Variants in THBS4 observed in about 807,000 individuals in gnomAD.
The protein encoded by THBS4 is thrombospondin 4, also known as thrombospondin-4.
A neutral mutation model predicts 115.7 loss-of-function variants in THBS4; 90 were observed. That is an observed-to-expected ratio of 0.78 (90% CI 0.66 to 0.93). THBS4 has a LOEUF of 0.93. Among genes scored for constraint, THBS4 ranks in the 40% least tolerant of loss-of-function variants. THBS4 has a pLI of 0.00. For synonymous variants in THBS4, 460 were observed against 479.3 expected (o/e 0.96, Z 0.53); for missense variants, 1,087 against 1,232.7 (o/e 0.88, Z 1.77).
intron 2 of THBS4, among the ~76,000 whole-genome samples, chr5:80,011,006 TC>T (rs1409556339): frequency 2.0e-5 from 3 of 152,182 alleles, no homozygotes; most frequent in Admixed American, 2.0e-4. Context: ...CACCCCAATC[TC>T]ATCTTGAATT....
chr5:80,066,326 C>T (rs1833824352), intron 9 of THBS4: 1 of 152,120 alleles, frequency 6.6e-6, no homozygotes. Flanking sequence ...TCCTTGTTTC[C>T]TTGTAAGTAA....
At chr5:80,058,394 A>G in intron 4 of THBS4, 80 bp downstream of exon 4, 1 of 1,043,460 alleles carries the variant, frequency 9.6e-7, no homozygotes, top group Non-Finnish European at 1.4e-6. Context: ...CCATCACCGA[A>G]AAGTGGGACT....
chr5:80,010,985 G>A (rs544681770), intron 2 of THBS4, among the ~76,000 whole-genome samples: 1 of 152,310 alleles, frequency 6.6e-6, no homozygotes, highest in South Asian at 2.1e-4. Context: ...GATATGGTTT[G>A]GCTGTGTCCC....
In THBS4 at chr5:80,039,994, T is replaced by C. The variant is rs1032639830; in HGVS notation, c.89-83T>C. On this transcript the variant is annotated intron_variant, in intron 1 of 21. Coordinates refer to ENST00000350881, the MANE Select transcript of THBS4 (RefSeq NM_003248.6). Reference sequence around the variant, plus strand: ...CATTACTTTGTAGCTTACTGTCAAATTGCACCCCCCCCAAACAAAGAAACC... The same window carrying C: ...CATTACTTTGTAGCTTACTGTCAAACTGCACCCCCCCCAAACAAAGAAACC... 312 of 1,245,770 alleles carry C rather than the reference T, an allele frequency of 2.5e-4. 2 individuals carry two copies. The highest frequency in any genetic ancestry group is 1.9e-4 in the Middle Eastern group (1 of 5,252). 77.2% of individuals were successfully genotyped at this position (1,245,770 alleles called of 1,614,324 possible).
intron 1 of THBS4, among the ~76,000 whole-genome samples, chr5:79,997,030 G>GTTTTTTT (rs201267378): frequency 2.9e-5 from 4 of 138,774 alleles, no homozygotes; most frequent in Non-Finnish European, 3.1e-5. Flanking sequence ...AATCAAAATA[G>GTTTTTTT]TTTTTTTTTT....
chr5:80,056,354 G>A lies in THBS4; in HGVS notation c.540+322G>A, dbSNP rs79006209. 3.9e-3 allele frequency among the ~76,000 whole-genome samples: 594 copies of A among 152,290 alleles called. 8 individuals carry two copies. The highest frequency in any genetic ancestry group is 0.013 in the Admixed American group (205 of 15,304). ...TAGAGACTCTGGATACAATTGTAAC[G>A]TTGGAAAGGAAGGGCAAAAGTAAAA... On this transcript the variant is annotated intron_variant, in intron 3 of 21. Coordinates refer to ENST00000350881, the MANE Select transcript of THBS4 (RefSeq NM_003248.6).
At chr5:80,047,179 A>G (rs1833093853) in intron 2 of THBS4, among the ~76,000 whole-genome samples, 1 of 152,218 alleles carries the variant, frequency 6.6e-6, no homozygotes, top group Non-Finnish European at 1.5e-5. Context: ...GTTTATAAAA[A>G]GCTCCTTACA....
chr5:80,072,357 T>A lies in THBS4; in HGVS notation c.1800T>A (p.Asp600Glu), dbSNP rs760192701. The A allele has an allele frequency of 1.9e-6, 3 of 1,614,216 alleles. No individual in the cohort carries two copies. The highest frequency in any genetic ancestry group is 2.5e-6 in the Non-Finnish European group (3 of 1,180,028). ...ACAAGGATGGTGATGGTGTGGGGGATGCCTGTGACAGTTGTCCTGATGTCA... is the reference window on the plus strand; with the variant it reads ...ACAAGGATGGTGATGGTGTGGGGGAAGCCTGTGACAGTTGTCCTGATGTCA... Reference protein sequence around the residue: ...QRDKDGDGVGDACDSCPDVSN... With the variant: ...QRDKDGDGVGEACDSCPDVSN... The change falls in exon 14 of 22, where the codon GAT (aspartate) becomes GAA (glutamate). Residue 600 changes from aspartate to glutamate, a missense_variant. By Grantham distance (45) the Asp-to-Glu change is conservative. Around this residue, in one of 3 missense-constraint regions of THBS4, gnomAD observed 979 missense variants for 1,103.7 expected, o/e 0.89. Coordinates refer to ENST00000350881, the MANE Select transcript of THBS4 (RefSeq NM_003248.6).
chr5:80,076,249 T>C (rs912766578), intron 15 of THBS4: 1 of 152,272 alleles, frequency 6.6e-6, no homozygotes, highest in Non-Finnish European at 1.5e-5. Flanking sequence ...GAATCCTCAT[T>C]GGATCCACTA....
chr5:80,077,938 T>C, intron 16 of THBS4, 111 bp from the exon 17 acceptor site: 2 of 924,254 alleles, frequency 2.2e-6, no homozygotes, highest in African/African-American at 1.7e-5. Flanking sequence ...ATCATGGCCC[T>C]GGTTGTGGGA....
intron 2 of THBS4, among the ~76,000 whole-genome samples, chr5:80,009,726 T>A (rs1832084324): frequency 6.6e-6 from 1 of 152,220 alleles, no homozygotes; most frequent in South Asian, 2.1e-4. Context: ...CCTTTATTAA[T>A]TGACATCTAC....
intron 2 of THBS4, among the ~76,000 whole-genome samples, chr5:80,007,112 G>T (rs1235228057): frequency 6.6e-6 from 1 of 152,122 alleles, no homozygotes; most frequent in African/African-American, 2.4e-5. Context: ...AGTCAATGAT[G>T]CCCAGTGAAC....
At chr5:80,061,374 T>C (rs1833628114) in intron 7 of THBS4, among the ~76,000 whole-genome samples, 1 of 152,146 alleles carries the variant, frequency 6.6e-6, no homozygotes, top group African/African-American at 2.4e-5. Context: ...AGGGACATAG[T>C]CCTTTCACAG....
At chr5:80,062,145 A>G (rs1431618230) in intron 8 of THBS4, among the ~76,000 whole-genome samples, 2 of 152,234 alleles carry the variant, frequency 1.3e-5, no homozygotes, top group East Asian at 3.8e-4. Flanking sequence ...GTCCTGCAGA[A>G]TAAGTTGAGA....
intron 9 of THBS4, chr5:80,066,467 T>C (rs906806166): frequency 1.3e-5 from 2 of 152,188 alleles, no homozygotes; most frequent in African/African-American, 4.8e-5. Flanking sequence ...AGTCCAGGCA[T>C]GGTGGAGCAT....
At chr5:80,020,767 C>T (rs1050263509) in intron 2 of THBS4, among the ~76,000 whole-genome samples, 3 of 152,100 alleles carry the variant, frequency 2.0e-5, no homozygotes, top group African/African-American at 7.2e-5. Context: ...TGCCTGTCTA[C>T]CCTGAGCTTT....
rs1191269398 is a variant in THBS4, at chr5:80,059,798, C to T, written c.880C>T (p.Pro294Ser). The T allele has an allele frequency of 3.1e-6, 5 of 1,614,210 alleles. No individual in the cohort carries two copies. The highest frequency in any genetic ancestry group is 4.2e-6 in the Non-Finnish European group (5 of 1,180,028). ...TRPPRRCDSN[P>S]CFRGVQCTDS... ...CCCACCTCGTCGGTGTGACTCCAAC[C>T]CATGTTTCCGAGGTGTCCAATGTAC... Residue 294 changes from proline to serine, a missense_variant, in exon 7 of 22, where the codon CCA becomes TCA. Pro to Ser is a moderately conservative substitution (Grantham distance 74). Transcript: ENST00000350881.
At chr5:80,050,270 T>G (rs1833212605) in intron 2 of THBS4, among the ~76,000 whole-genome samples, 1 of 151,786 alleles carries the variant, frequency 6.6e-6, no homozygotes, top group Non-Finnish European at 1.5e-5. Context: ...GAGACCAGAG[T>G]TTTATTATTA....
chr5:80,014,324 G>A (rs531182130), intron 2 of THBS4, among the ~76,000 whole-genome samples: 1 of 152,340 alleles, frequency 6.6e-6, no homozygotes, highest in East Asian at 1.9e-4. Context: ...TTCAGGTGAT[G>A]TGCCAATGGT....
Sources: gnomAD v4.1 joint callset for allele counts (sites outside exome capture counted in the v4.1 genomes callset) on GRCh38, gnomAD v4.1.1 for gene constraint, gnomAD v4.1.1 regional missense constraint, MANE v1.5 for transcripts, NCBI Gene and HGNC (gene_info 2026-07-23, HGNC 2026-07-21) for gene names.